Variants in RAB40AL observed in about 807,000 individuals in gnomAD.
RAB40AL encodes the protein RAB40A like.
For synonymous variants in RAB40AL, 65 were observed against 95.2 expected (o/e 0.68, Z 1.85); for missense variants, 171 against 226.7 (o/e 0.75, Z 1.58).
chrX:102,938,254 C>A lies in RAB40AL; in HGVS notation c.*99C>A. On this transcript the variant is annotated 3_prime_UTR_variant, in exon 1 of 1. Coordinates refer to ENST00000218249, the MANE Select transcript of RAB40AL (RefSeq NM_001031834.1). Reference sequence around the variant, plus strand: ...GATGCATTCTAGATTCAAAGAAATACGTTTTCAGTTTCTCATGGGAACAAT... The same window carrying A: ...GATGCATTCTAGATTCAAAGAAATAAGTTTTCAGTTTCTCATGGGAACAAT... 3 of 1,035,162 alleles carry A rather than the reference C, an allele frequency of 2.9e-6. No homozygotes were observed. The East Asian group carries it at 9.2e-5, about 32-fold the overall frequency. The allele number at this position is 1,035,162 out of a possible 1,213,427, so 85.3% of individuals were successfully genotyped here. A position where few individuals can be genotyped will look rare whatever the true frequency, so the allele number is the denominator to read the frequency against.
Position 102,937,340 on chromosome X carries a change from G to C in RAB40AL, c.22G>C (p.Asp8His), listed in dbSNP as rs773644436. The C allele has an allele frequency of 6.6e-6, 8 of 1,210,121 alleles. No individual in the cohort carries two copies. In the East Asian group the frequency reaches 1.2e-4, roughly 18 times the overall value. MSAPGSP[D>H]QAYDFLLKFL... ...CACGATGAGCGCCCCGGGCAGCCCC[G>C]ACCAGGCCTACGACTTCCTGCTCAA... The change falls in exon 1 of 1, where the codon GAC becomes CAC. Residue 8 changes from aspartate to histidine, a missense_variant. Transcript: ENST00000218249.
In RAB40AL at chrX:102,938,029, A is replaced by G. The variant is rs201112767; in HGVS notation, c.711A>G (p.Arg237=). The part of the protein sequence containing the change: ...MAKGLNARMM[R]GLSYSLTTSS... Reference sequence around the variant, plus strand: ...AGGGCCTGAATGCCAGGATGATGCGAGGCCTCTCCTACTCCCTCACCACCA... The same window carrying G: ...AGGGCCTGAATGCCAGGATGATGCGGGGCCTCTCCTACTCCCTCACCACCA... Residue 237 remains arginine, a synonymous_variant, in exon 1 of 1, where the codon CGA becomes CGG. Transcript: ENST00000218249. 2.3e-4 allele frequency: 274 copies of G among 1,210,206 alleles called. No individual in the cohort carries two copies. The South Asian group carries it at 4.3e-3, about 19-fold the overall frequency.
In RAB40AL at chrX:102,937,869, G is replaced by T. The variant is rs751272736; in HGVS notation, c.551G>T (p.Gly184Val). The change falls in exon 1 of 1, where the codon GGG becomes GTG. Residue 184 changes from glycine (G) to valine (V), a missense_variant. Transcript: ENST00000218249. ...VLLRHRLNWL[G>V]RPSKVLSLQD... ...CTGCGGCACAGGTTGAACTGGCTCG[G>T]GAGGCCGAGCAAGGTACTGAGCTTG... 8.3e-7 allele frequency: 1 copy of T among 1,210,350 alleles called. No individual in the cohort carries two copies. The highest frequency in any genetic ancestry group is 1.7e-5 in the African/African-American group (1 of 57,210).
rs776924788 is a variant in RAB40AL at position 102,937,418 on chromosome X, C to T, written c.100C>T (p.Leu34=). 3.3e-6 allele frequency: 4 copies of T among 1,210,093 alleles called. No individual in the cohort carries two copies. Among genetic ancestry groups the T allele is most frequent in the African/African-American group, 3.5e-5 (2 of 57,121 alleles). Residue 34 remains leucine (L), a synonymous_variant, in exon 1 of 1, where the codon CTG becomes TTG. Coordinates refer to ENST00000218249, the MANE Select transcript of RAB40AL (RefSeq NM_001031834.1). ...DVGKSEILES[L]QDGTAESPYS... Reference sequence around the variant, plus strand: ...AGGCAAGAGTGAGATCCTGGAGAGCCTGCAGGACGGCACGGCCGAGTCCCC... The same window carrying T: ...AGGCAAGAGTGAGATCCTGGAGAGCTTGCAGGACGGCACGGCCGAGTCCCC...
rs773428677 is a variant in RAB40AL, at chrX:102,937,886, C to T, written c.568C>T (p.Leu190=). 5.0e-5 allele frequency: 60 copies of T among 1,210,730 alleles called. No homozygotes were observed. The South Asian group carries it at 1.1e-3, about 21-fold the overall frequency. ...LNWLGRPSKV[L]SLQDLCCRTI... is the part of the protein sequence containing the mutation. Reference sequence around the variant, plus strand: ...CTGGCTCGGGAGGCCGAGCAAGGTACTGAGCTTGCAAGACCTCTGCTGCCG... The same window carrying T: ...CTGGCTCGGGAGGCCGAGCAAGGTATTGAGCTTGCAAGACCTCTGCTGCCG... The change falls in exon 1 of 1, where the codon CTG becomes TTG. Residue 190 remains leucine, a synonymous_variant. Transcript: ENST00000218249.
Position 102,937,860 on chromosome X carries a change from A to C in RAB40AL, c.542A>C (p.Asn181Thr). ...ARIVLLRHRL[N>T]WLGRPSKVLS... ...ATAGTGCTGCTGCGGCACAGGTTGA[A>C]CTGGCTCGGGAGGCCGAGCAAGGTA... Residue 181 changes from asparagine (N) to threonine (T), a missense_variant, in exon 1 of 1, where the codon AAC (asparagine) becomes ACC (threonine). Coordinates refer to ENST00000218249, the MANE Select transcript of RAB40AL (RefSeq NM_001031834.1). 8.3e-7 allele frequency: 1 copy of C among 1,211,761 alleles called. No individual in the cohort carries two copies.
rs2084568105 is a variant in RAB40AL at position 102,938,243 on chromosome X, TC to T, written c.*89del. The T allele has an allele frequency of 1.9e-6, 2 of 1,077,318 alleles. No individual in the cohort carries two copies. The highest frequency in any genetic ancestry group is 3.6e-5 in the African/African-American group (2 of 54,874). 88.8% of individuals were successfully genotyped at this position (1,077,318 alleles called of 1,213,427 possible). A position where few individuals can be genotyped will look rare whatever the true frequency, so the allele number is the denominator to read the frequency against. ...GGAAGAGGGAAGATGCATTCTAGAT[TC>T]AAAGAAATACGTTTTCAGTTTCTCA... On this transcript the variant is annotated 3_prime_UTR_variant, in exon 1 of 1. Transcript: ENST00000218249.
At position 102,937,671 on chromosome X, in the gene RAB40AL, G is replaced by A; in HGVS notation, c.353G>A (p.Gly118Asp). The stretch of plus-strand genomic sequence containing the variant: ...AAGAAGATTGAGGAACATGCCCCTG[G>A]TGTCCCTAAAATCCTGGTGGGGAAT... ...WIKKIEEHAP[G>D]VPKILVGNRL... Residue 118 changes from glycine to aspartate, a missense_variant, in exon 1 of 1, where the codon GGT (glycine) becomes GAT (aspartate). By Grantham distance (94) the Gly-to-Asp change is moderately conservative (BLOSUM62 -1). Transcript: ENST00000218249. 1 of 1,210,263 alleles carries A rather than the reference G, an allele frequency of 8.3e-7. No homozygotes were observed. The highest frequency in any genetic ancestry group is 1.1e-6 in the Non-Finnish European group (1 of 895,256).
rs1396865326 is a variant in RAB40AL, at chrX:102,937,298, G to A, written c.-21G>A. The A allele has an allele frequency of 2.7e-5, 33 of 1,201,604 alleles. No homozygotes were observed. The highest frequency in any genetic ancestry group is 3.7e-5 in the Non-Finnish European group (33 of 888,526). ...GCACAACCTTGCTGGTCTGGCCCAGGCGGGGGGCGGGGCCAGCACGATGAG... is the reference window on the plus strand; with the variant it reads ...GCACAACCTTGCTGGTCTGGCCCAGACGGGGGGCGGGGCCAGCACGATGAG... On this transcript the variant is annotated 5_prime_UTR_variant, in exon 1 of 1. Transcript: ENST00000218249.
chrX:102,937,433 G>C lies in RAB40AL; in HGVS notation c.115G>C (p.Ala39Pro), dbSNP rs1262557452. Residue 39 changes from alanine to proline, a missense_variant, in exon 1 of 1, where the codon GCC becomes CCC. Physicochemically the swap from Ala to Pro is conservative, Grantham distance 27. Coordinates refer to ENST00000218249, the MANE Select transcript of RAB40AL (RefSeq NM_001031834.1). ...CCTGGAGAGCCTGCAGGACGGCACGGCCGAGTCCCCGTACAGTCACCTGGG... is the reference window on the plus strand; with the variant it reads ...CCTGGAGAGCCTGCAGGACGGCACGCCCGAGTCCCCGTACAGTCACCTGGG... ...EILESLQDGT[A>P]ESPYSHLGGI... 1 of 1,211,946 alleles carries C rather than the reference G, an allele frequency of 8.3e-7. No individual in the cohort carries two copies. The highest frequency in any genetic ancestry group is 2.3e-4 in the Middle Eastern group (1 of 4,355).
In RAB40AL at chrX:102,937,919, G is replaced by C. The variant is rs748399564; in HGVS notation, c.601G>C (p.Val201Leu). The C allele has an allele frequency of 8.3e-6, 10 of 1,211,965 alleles. No individual in the cohort carries two copies. In the South Asian group the frequency reaches 1.6e-4, roughly 19 times the overall value. The change falls in exon 1 of 1, where the codon GTG becomes CTG. Residue 201 changes from valine (V) to leucine (L), a missense_variant. Val to Leu is a conservative substitution (Grantham distance 32). Coordinates refer to ENST00000218249, the MANE Select transcript of RAB40AL (RefSeq NM_001031834.1). Reference protein sequence around the residue: ...SLQDLCCRTIVSCTPVHLVDK... With the variant: ...SLQDLCCRTILSCTPVHLVDK... ...GCAAGACCTCTGCTGCCGCACCATC[G>C]TGTCCTGCACACCTGTGCATCTGGT...
rs759895928 is a variant in RAB40AL, at chrX:102,937,436, G to A, written c.118G>A (p.Glu40Lys). 1.9e-5 allele frequency: 23 copies of A among 1,210,055 alleles called. 1 individual carries two copies. In the South Asian group the frequency reaches 2.8e-4, roughly 15 times the overall value. Reference protein sequence around the residue: ...ILESLQDGTAESPYSHLGGID... With the variant: ...ILESLQDGTAKSPYSHLGGID... Reference sequence around the variant, plus strand: ...GGAGAGCCTGCAGGACGGCACGGCCGAGTCCCCGTACAGTCACCTGGGGGG... The same window carrying A: ...GGAGAGCCTGCAGGACGGCACGGCCAAGTCCCCGTACAGTCACCTGGGGGG... The change falls in exon 1 of 1, where the codon GAG becomes AAG. Residue 40 changes from glutamate (E) to lysine (K), a missense_variant. Physicochemically the swap from Glu to Lys is moderately conservative, Grantham distance 56 (BLOSUM62 1). Coordinates refer to ENST00000218249, the MANE Select transcript of RAB40AL (RefSeq NM_001031834.1).
At position 102,938,300 on chromosome X, in the gene RAB40AL, A is replaced by T; in HGVS notation, c.*145A>T. 2 of 761,469 alleles carry T rather than the reference A, an allele frequency of 2.6e-6. No individual in the cohort carries two copies. Among genetic ancestry groups the T allele is most frequent in the Non-Finnish European group, 1.9e-6 (1 of 516,899 alleles). 62.8% of individuals were successfully genotyped at this position (761,469 alleles called of 1,213,427 possible). On this transcript the variant is annotated 3_prime_UTR_variant, in exon 1 of 1. Coordinates refer to ENST00000218249, the MANE Select transcript of RAB40AL (RefSeq NM_001031834.1). ...ACAATGCTGCTTGGGAATGTGTGTG[A>T]TGCCTTCTGTCAATAAAAGCACTTT...
rs61729484 is a variant in RAB40AL, at chrX:102,938,093, A to G, written c.775A>G (p.Ile259Val). The stretch of plus-strand genomic sequence containing the variant: ...AAGGAGCAGCCTCTGCAAAGTGAAG[A>G]TCGTCTGCCCACCCCAGAGCCCACC... ...HKRSSLCKVK[I>V]VCPPQSPPKN... Residue 259 changes from isoleucine (I) to valine (V), a missense_variant, in exon 1 of 1, where the codon ATC becomes GTC. Coordinates refer to ENST00000218249, the MANE Select transcript of RAB40AL (RefSeq NM_001031834.1). 6.1e-4 allele frequency: 733 copies of G among 1,210,138 alleles called. 6 individuals carry two copies. In the African/African-American group the frequency reaches 0.011, roughly 18 times the overall value.
At position 102,937,964 on chromosome X, in the gene RAB40AL, A is replaced by T; in HGVS notation, c.646A>T (p.Ile216Phe). ...TCTGGTGGACAAGCTCCCGCTCCCC[A>T]TTGCCTTAAGAAGCCACCTCAAGTC... ...VHLVDKLPLP[I>F]ALRSHLKSFS... The change falls in exon 1 of 1, where the codon ATT becomes TTT. Residue 216 changes from isoleucine to phenylalanine, a missense_variant. Coordinates refer to ENST00000218249, the MANE Select transcript of RAB40AL (RefSeq NM_001031834.1). 1.7e-6 allele frequency: 2 copies of T among 1,211,871 alleles called. No homozygotes were observed. Among genetic ancestry groups the T allele is most frequent in the Non-Finnish European group, 2.2e-6 (2 of 895,570 alleles).
chrX:102,937,759 C>T lies in RAB40AL; in HGVS notation c.441C>T (p.Arg147=), dbSNP rs2084564565. 1 of 1,208,212 alleles carries T rather than the reference C, an allele frequency of 8.3e-7. No individual in the cohort carries two copies. The highest frequency in any genetic ancestry group is 1.8e-5 in the African/African-American group (1 of 56,280). Residue 147 remains arginine, a synonymous_variant, in exon 1 of 1, where the codon CGC becomes CGT. Coordinates refer to ENST00000218249, the MANE Select transcript of RAB40AL (RefSeq NM_001031834.1). ...AGCAGGCCCAGGCCTACGCCGAGCGCCTGGGCGTGACCTTCTTTGAGGTCA... is the reference window on the plus strand; with the variant it reads ...AGCAGGCCCAGGCCTACGCCGAGCGTCTGGGCGTGACCTTCTTTGAGGTCA... ...PREQAQAYAE[R]LGVTFFEVSP...
chrX:102,937,954 C>T lies in RAB40AL; in HGVS notation c.636C>T (p.Leu212=). The T allele has an allele frequency of 8.3e-7, 1 of 1,212,070 alleles. No individual in the cohort carries two copies. The highest frequency in any genetic ancestry group is 1.1e-6 in the Non-Finnish European group (1 of 895,615). ...CACCTGTGCATCTGGTGGACAAGCT[C>T]CCGCTCCCCATTGCCTTAAGAAGCC... ...SCTPVHLVDK[L]PLPIALRSHL... The change falls in exon 1 of 1, where the codon CTC becomes CTT. Residue 212 remains leucine, a synonymous_variant. Coordinates refer to ENST00000218249, the MANE Select transcript of RAB40AL (RefSeq NM_001031834.1).
chrX:102,938,233 C>A lies in RAB40AL; in HGVS notation c.*78C>A. 1 of 1,103,183 alleles carries A rather than the reference C, an allele frequency of 9.1e-7. No homozygotes were observed. Among genetic ancestry groups the A allele is most frequent in the Non-Finnish European group, 1.3e-6 (1 of 798,711 alleles). The allele number at this position is 1,103,183 out of a possible 1,213,427, so 90.9% of individuals were successfully genotyped here. ...GGTTACACCTGGAAGAGGGAAGATG[C>A]ATTCTAGATTCAAAGAAATACGTTT... On this transcript the variant is annotated 3_prime_UTR_variant, in exon 1 of 1. Coordinates refer to ENST00000218249, the MANE Select transcript of RAB40AL (RefSeq NM_001031834.1).
Position 102,938,142 on chromosome X carries a change from G to A in RAB40AL, c.824G>A (p.Cys275Tyr), listed in dbSNP as rs1298835070. The stretch of plus-strand genomic sequence containing the variant: ...CCCAAAAACTGCACCAGAAACAGCT[G>A]CAAAATTTCTTAAGGAAGGCACCAA... ...SPPKNCTRNS[C>Y]KIS is the part of the protein sequence containing the mutation. The change falls in exon 1 of 1, where the codon TGC (cysteine) becomes TAC (tyrosine). Residue 275 changes from cysteine to tyrosine, a missense_variant. By Grantham distance (194) the Cys-to-Tyr change is radical. Transcript: ENST00000218249. The A allele has an allele frequency of 5.0e-6, 6 of 1,208,983 alleles. No individual in the cohort carries two copies. Among genetic ancestry groups the A allele is most frequent in the Middle Eastern group, 4.6e-4 (2 of 4,351 alleles).
Sources: allele counts gnomAD v4.1 joint callset, GRCh38; gene constraint gnomAD v4.1.1; transcripts MANE v1.5; gene names NCBI Gene and HGNC (gene_info 2026-07-23, HGNC 2026-07-21).